PNPLA6: variants seen among roughly 807,000 people sequenced by gnomAD.
The protein encoded by PNPLA6 is patatin-like phospholipase domain-containing protein 6.
A neutral mutation model predicts 153.7 loss-of-function variants in PNPLA6; 105 were observed. The ratio of observed to expected loss-of-function variants is 0.68; its 90% CI spans 0.58 to 0.80. The LOEUF (loss-of-function observed/expected upper bound fraction) is 0.80. PNPLA6 is among the 30% of genes least tolerant of loss of function. The pLI, the probability that PNPLA6 is intolerant of heterozygous loss-of-function variation, is 0.00. For missense variants in PNPLA6, 1,423 were observed against 1,919.3 expected, an observed-to-expected ratio of 0.74 and a Z score of 4.83; for synonymous variants, 825 against 822.2, an observed-to-expected ratio of 1.00 and a Z score of -0.06.
At chr19:7,547,521 C>T (rs983601217) in intron 13 of PNPLA6, among the ~76,000 whole-genome samples, 10 of 151,782 alleles carry the variant, frequency 6.6e-5, no homozygotes, top group Non-Finnish European at 1.2e-4. Context: ...TTTTTAGAGA[C>T]GGGGGTCTCA....
At position 7,555,083 on chromosome 19, in the gene PNPLA6, G is replaced by A. The variant is rs1449271333; in HGVS notation, c.2817+8G>A. 6.3e-7 allele frequency: 1 copy of A among 1,592,454 alleles called. No homozygotes were observed. Among genetic ancestry groups the A allele is most frequent in the Middle Eastern group, 1.9e-4 (1 of 5,366 alleles). The stretch of plus-strand genomic sequence containing the variant: ...CGCAGCCCTGCCAAGCTGGTGAGGA[G>A]CGGGCCGGCCCCCACCTTCTAGGGG... On this transcript the variant is annotated splice_region_variant and intron_variant, in intron 22 of 31. Coordinates refer to ENST00000600737, the MANE Select transcript of PNPLA6 (RefSeq NM_001166114.2). The surrounding 1 kb of genome is among the most constrained non-coding windows in gnomAD (Gnocchi z 6.3).
intron 13 of PNPLA6, among the ~76,000 whole-genome samples, chr19:7,545,189 G>C (rs1004931855): frequency 6.6e-6 from 1 of 152,036 alleles, no homozygotes; most frequent in African/African-American, 2.4e-5. Context: ...ACCACGCCTG[G>C]CTAATTTTTG....
intron 16 of PNPLA6, 53 bp from the exon 17 acceptor site, chr19:7,550,941 C>A: frequency 7.6e-7 from 1 of 1,313,286 alleles, no homozygotes; most frequent in Non-Finnish European, 1.1e-6. Context: ...CACCCATCTT[C>A]GGCCTCCTCA....
At chr19:7,549,859 G>A in intron 13 of PNPLA6, 48 bp from the exon 14 acceptor site, 3 of 1,568,544 alleles carry the variant, frequency 1.9e-6, no homozygotes, top group Non-Finnish European at 8.8e-7. Context: ...CTGAGCTGGG[G>A]TCCACGCTGT....
chr19:7,555,077 T>C lies in PNPLA6; in HGVS notation c.2817+2T>C. On this transcript the variant is annotated splice_donor_variant, in intron 22 of 31. Coordinates refer to ENST00000600737, the MANE Select transcript of PNPLA6 (RefSeq NM_001166114.2). LOFTEE classifies it high-confidence loss of function. The surrounding 1 kb of genome is among the most constrained non-coding windows in gnomAD (Gnocchi z 6.3). ...TCGCGCCGCAGCCCTGCCAAGCTGG[T>C]GAGGAGCGGGCCGGCCCCCACCTTC... 1 of 1,593,074 alleles carries C rather than the reference T, an allele frequency of 6.3e-7. No homozygotes were observed. The highest frequency in any genetic ancestry group is 8.5e-7 in the Non-Finnish European group (1 of 1,177,894).
chr19:7,539,446 T>G (rs768917305), intron 3 of PNPLA6, among the ~76,000 whole-genome samples: 18 of 150,792 alleles, frequency 1.2e-4, no homozygotes, highest in Admixed American at 6.0e-4. Context: ...GCCACTGCAC[T>G]CCAGCCTGGG....
At position 7,540,502 on chromosome 19, in the gene PNPLA6, G is replaced by C; in HGVS notation, c.715-128G>C. ...ATTGAACGATGGGAGATGCCTGCTC[G>C]TTGGAAGGGTTGGTGGGTTCCCCTG... On this transcript the variant is annotated intron_variant, in intron 5 of 31. Coordinates refer to ENST00000600737, the MANE Select transcript of PNPLA6 (RefSeq NM_001166114.2). The surrounding 1 kb of genome is among the most constrained non-coding windows in gnomAD (Gnocchi z 6.8). 1 of 992,580 alleles carries C rather than the reference G, an allele frequency of 1.0e-6. No homozygotes were observed. The allele number at this position is 992,580 out of a possible 1,614,324, so 61.5% of individuals were successfully genotyped here. A position where few individuals can be genotyped will look rare whatever the true frequency, so the allele number is the denominator to read the frequency against.
intron 13 of PNPLA6, among the ~76,000 whole-genome samples, chr19:7,545,112 T>C (rs1312801759): frequency 1.3e-5 from 2 of 152,038 alleles, no homozygotes; most frequent in African/African-American, 2.4e-5. Context: ...CTGCAACCTC[T>C]GCCTCCCGGA....
intron 13 of PNPLA6, among the ~76,000 whole-genome samples, chr19:7,543,626 C>T (rs972257931): frequency 6.6e-6 from 1 of 152,032 alleles, no homozygotes; most frequent in African/African-American, 2.4e-5. Context: ...ACCCGACTAC[C>T]AGCTGAAAGT....
intron 18 of PNPLA6, among the ~76,000 whole-genome samples, chr19:7,552,474 G>A (rs965285767): frequency 2.0e-5 from 3 of 152,182 alleles, no homozygotes; most frequent in African/African-American, 7.2e-5. Flanking sequence ...AAATTACAGA[G>A]GCCTGGGGCG....
chr19:7,560,818 A>G lies in PNPLA6; in HGVS notation c.3816+54A>G, dbSNP rs1017799963. The stretch of plus-strand genomic sequence containing the variant: ...CTGACTCCACTGATTACAGAACCCA[A>G]GCCCCCTTAAAGTCTCCCCGAAACC... On this transcript the variant is annotated intron_variant, in intron 29 of 31. Transcript: ENST00000600737. 1.5e-5 allele frequency: 18 copies of G among 1,232,208 alleles called. 1 individual carries two copies. In the African/African-American group the frequency reaches 1.6e-4, roughly 11 times the overall value. The allele number at this position is 1,232,208 out of a possible 1,614,324, so 76.3% of individuals were successfully genotyped here.
At position 7,554,030 on chromosome 19, in the gene PNPLA6, G is replaced by A; in HGVS notation, c.2401+15G>A. On this transcript the variant is annotated intron_variant, in intron 19 of 31. Coordinates refer to ENST00000600737, the MANE Select transcript of PNPLA6 (RefSeq NM_001166114.2). ...GCAGGCCATCGGTCAGTGGGGTGAG[G>A]GTCATGGGTGGGGGCTGGCGGTGGG... The A allele has an allele frequency of 6.2e-7, 1 of 1,613,016 alleles. No homozygotes were observed.
Position 7,555,283 on chromosome 19 carries a change from C to G in PNPLA6, c.2852C>G (p.Ala951Gly). The stretch of plus-strand genomic sequence containing the variant: ...TACGAGAAGGTTTTCTCCAGGCGCG[C>G]GGACCGGCACAGCGACTTCTCCCGC... ...ELYEKVFSRR[A>G]DRHSDFSRLA... Residue 951 changes from alanine to glycine, a missense_variant, in exon 23 of 32, where the codon GCG (alanine) becomes GGG (glycine). Ala to Gly is a moderately conservative substitution (Grantham distance 60, BLOSUM62 0). Transcript: ENST00000600737. The surrounding 1 kb of genome is among the most constrained non-coding windows in gnomAD (Gnocchi z 6.3). 6.3e-7 allele frequency: 1 copy of G among 1,595,210 alleles called. No individual in the cohort carries two copies. Among genetic ancestry groups the G allele is most frequent in the Non-Finnish European group, 8.5e-7 (1 of 1,170,984 alleles).
At chr19:7,545,152 T>C (rs747711218) in intron 13 of PNPLA6, among the ~76,000 whole-genome samples, 17 of 151,950 alleles carry the variant, frequency 1.1e-4, no homozygotes, top group Non-Finnish European at 2.2e-4. Flanking sequence ...TCAGCCTCCC[T>C]CGAAGCTGGG....
At chr19:7,554,070 G>A in intron 19 of PNPLA6, 55 bp downstream of exon 19, 1 of 1,604,460 alleles carries the variant, frequency 6.2e-7, no homozygotes, top group Non-Finnish European at 8.5e-7. Context: ...ACATTAGTGA[G>A]TGAGAGATGT....
At position 7,561,190 on chromosome 19, in the gene PNPLA6, C is replaced by T; in HGVS notation, c.3914-18C>T. The T allele has an allele frequency of 6.3e-7, 1 of 1,598,422 alleles. No homozygotes were observed. Among genetic ancestry groups the T allele is most frequent in the South Asian group, 1.1e-5 (1 of 89,214 alleles). On this transcript the variant is annotated intron_variant, in intron 30 of 31. Transcript: ENST00000600737. ...CCAGCCCCAATCCCCTCACCTGTGC[C>T]CTGCTCCCCGATTCCAGGAGAGGAG...
At position 7,558,968 on chromosome 19, in the gene PNPLA6, G is replaced by A; in HGVS notation, c.3516G>A (p.Lys1172=). The change falls in exon 28 of 32, where the codon AAG becomes AAA. Residue 1172 remains lysine (K), a synonymous_variant. Coordinates refer to ENST00000600737, the MANE Select transcript of PNPLA6 (RefSeq NM_001166114.2). The part of the protein sequence containing the change: ...DSLSGWWLLW[K]RLNPWADKVK... Reference sequence around the variant, plus strand: ...TGTCCGGCTGGTGGCTGCTGTGGAAGCGGCTGAATCCCTGGGCTGACAAGG... The same window carrying A: ...TGTCCGGCTGGTGGCTGCTGTGGAAACGGCTGAATCCCTGGGCTGACAAGG... The A allele has an allele frequency of 6.2e-7, 1 of 1,614,204 alleles. No individual in the cohort carries two copies. Among genetic ancestry groups the A allele is most frequent in the Non-Finnish European group, 8.5e-7 (1 of 1,180,030 alleles).
intron 13 of PNPLA6, among the ~76,000 whole-genome samples, chr19:7,544,261 G>A (rs1176114716): frequency 6.6e-6 from 1 of 152,094 alleles, no homozygotes; most frequent in Non-Finnish European, 1.5e-5. Flanking sequence ...ACAGGGTTGT[G>A]CCACCACGCC....
intron 26 of PNPLA6, chr19:7,556,939 C>T: frequency 1.5e-6 from 1 of 687,398 alleles, no homozygotes; most frequent in Non-Finnish European, 2.6e-6. Context: ...CGTCGGACGC[C>T]TTACCCCCCT....
Sources: allele counts gnomAD v4.1 joint callset (sites outside exome capture counted in the v4.1 genomes callset), GRCh38; gene constraint gnomAD v4.1.1; non-coding constraint Gnocchi (gnomAD v3.1); transcripts MANE v1.5; gene names NCBI Gene and HGNC (gene_info 2026-07-23, HGNC 2026-07-21).